Variants in LRRC4C observed in about 807,000 individuals in gnomAD.
LRRC4C encodes leucine rich repeat containing 4C, also known as leucine-rich repeat-containing protein 4C.
A neutral mutation model predicts 33.6 loss-of-function variants in LRRC4C; 5 were observed. That is an observed-to-expected ratio of 0.15 (90% CI 0.08 to 0.31). The LOEUF (loss-of-function observed/expected upper bound fraction) is 0.31, where lower values mean the gene tolerates loss of function less well. Ranked by LOEUF, LRRC4C falls within the 10% of genes least tolerant of loss-of-function variation. The pLI, the probability that LRRC4C is intolerant of heterozygous loss-of-function variation, is 1.00. For synonymous variants in LRRC4C, 329 were observed against 302.0 expected (o/e 1.09, Z -0.93); for missense variants, 560 against 796.7 (o/e 0.70, Z 3.58).
At chr11:40,531,178 G>A (rs1956255983) in intron 3 of LRRC4C, among the ~76,000 whole-genome samples, 2 of 152,006 alleles carry the variant, frequency 1.3e-5, no homozygotes, top group South Asian at 4.1e-4. Flanking sequence ...AAATTGAGAG[G>A]AAAGTATGGA....
At chr11:41,184,011 T>G (rs766356679) in intron 1 of LRRC4C, among the ~76,000 whole-genome samples, 37 of 152,188 alleles carry the variant, frequency 2.4e-4, no homozygotes, top group Non-Finnish European at 4.4e-4. Context: ...CTTTTAGCCA[T>G]GGCTGGAGCA....
At chr11:40,936,250 T>G (rs1163391536) in intron 1 of LRRC4C, among the ~76,000 whole-genome samples, 1 of 149,940 alleles carries the variant, frequency 6.7e-6, no homozygotes, top group Admixed American at 6.7e-5. Flanking sequence ...ATTAGATAAT[T>G]TATGTTCACC....
At chr11:41,351,435 C>T (rs988663957) in intron 1 of LRRC4C, among the ~76,000 whole-genome samples, 1 of 151,998 alleles carries the variant, frequency 6.6e-6, no homozygotes, top group Non-Finnish European at 1.5e-5. Context: ...ATATTGTATC[C>T]AAAAATTTCC....
At chr11:41,054,480 A>T (rs968670370) in intron 1 of LRRC4C, among the ~76,000 whole-genome samples, 7 of 152,192 alleles carry the variant, frequency 4.6e-5, no homozygotes, top group Admixed American at 3.3e-4. Flanking sequence ...AAAGTGCTGA[A>T]TATCTAGAGG....
At chr11:40,408,648 A>G (rs1402531335) in intron 3 of LRRC4C, among the ~76,000 whole-genome samples, 1 of 151,982 alleles carries the variant, frequency 6.6e-6, no homozygotes, top group Non-Finnish European at 1.5e-5. Context: ...TATATGCCCC[A>G]AAATGGCTTT....
At chr11:41,134,419 G>A (rs1222817072) in intron 1 of LRRC4C, among the ~76,000 whole-genome samples, 2 of 152,098 alleles carry the variant, frequency 1.3e-5, no homozygotes, top group African/African-American at 4.8e-5. Context: ...CACTATGCCT[G>A]GCAGAATAAA....
intron 1 of LRRC4C, among the ~76,000 whole-genome samples, chr11:40,991,561 A>C (rs543607425): frequency 6.6e-6 from 1 of 152,338 alleles, no homozygotes; most frequent in African/African-American, 2.4e-5. Context: ...ATTACATTGT[A>C]ATATATAATG....
intron 2 of LRRC4C, among the ~76,000 whole-genome samples, chr11:40,903,175 T>A (rs1163427083): frequency 1.4e-4 from 21 of 152,100 alleles, no homozygotes; most frequent in Non-Finnish European, 2.9e-5. Flanking sequence ...ATTCTAAAAA[T>A]CTCAGAACCA....
intron 1 of LRRC4C, among the ~76,000 whole-genome samples, chr11:41,208,669 G>C (rs773245100): frequency 6.6e-6 from 1 of 152,220 alleles, no homozygotes; most frequent in African/African-American, 2.4e-5. Flanking sequence ...AGGGCTACCT[G>C]ATTGGGAACA....
chr11:40,502,780 C>G (rs547946503), intron 3 of LRRC4C, among the ~76,000 whole-genome samples: 1 of 152,274 alleles, frequency 6.6e-6, no homozygotes, highest in Admixed American at 6.5e-5. Flanking sequence ...ACATCTTTCA[C>G]TCTTTGATCA....
intron 4 of LRRC4C, among the ~76,000 whole-genome samples, chr11:40,287,954 C>T (rs529513477): frequency 3.9e-5 from 6 of 152,188 alleles, no homozygotes; most frequent in Non-Finnish European, 7.3e-5. Context: ...CTTAGAGTAA[C>T]AGCTTCCCTC....
intron 4 of LRRC4C, among the ~76,000 whole-genome samples, chr11:40,256,067 C>T (rs1867180157): frequency 6.6e-6 from 1 of 152,190 alleles, no homozygotes; most frequent in Non-Finnish European, 1.5e-5. Context: ...AGATCTACAA[C>T]CTTTTTAGTT....
chr11:40,839,776 G>T (rs1952833635), intron 2 of LRRC4C, among the ~76,000 whole-genome samples: 1 of 152,140 alleles, frequency 6.6e-6, no homozygotes, highest in Non-Finnish European at 1.5e-5. Flanking sequence ...TTACCAAGTG[G>T]AATGAAGAAA....
At chr11:40,919,178 T>C (rs1189082813) in intron 2 of LRRC4C, among the ~76,000 whole-genome samples, 3 of 152,050 alleles carry the variant, frequency 2.0e-5, no homozygotes, top group Non-Finnish European at 4.4e-5. Context: ...TACCAGTCAG[T>C]TTCAGTCACA....
chr11:41,380,836 C>T (rs1197656625), intron 1 of LRRC4C, among the ~76,000 whole-genome samples: 6 of 152,154 alleles, frequency 3.9e-5, no homozygotes, highest in Non-Finnish European at 8.8e-5. Context: ...CTGTCTCTCT[C>T]TCTTTCTCTC....
intron 1 of LRRC4C, among the ~76,000 whole-genome samples, chr11:41,378,775 T>G (rs1953034170): frequency 6.6e-6 from 1 of 152,138 alleles, no homozygotes; most frequent in South Asian, 2.1e-4. Flanking sequence ...AGCAATTCCC[T>G]ATAACCCAAG....
chr11:41,163,454 T>C (rs904441920), intron 1 of LRRC4C, among the ~76,000 whole-genome samples: 3 of 151,424 alleles, frequency 2.0e-5, no homozygotes, highest in Admixed American at 6.6e-5. Flanking sequence ...CAACTAATTT[T>C]TGTATTTATA....
At chr11:41,302,845 A>C (rs10768681) in intron 1 of LRRC4C, among the ~76,000 whole-genome samples, 1 of 151,888 alleles carries the variant, frequency 6.6e-6, no homozygotes, top group Admixed American at 6.6e-5. Context: ...ATTGCCCACT[A>C]TACTCCCAAA....
intron 2 of LRRC4C, among the ~76,000 whole-genome samples, chr11:40,683,262 A>C (rs920089082): frequency 3.9e-5 from 6 of 152,158 alleles, no homozygotes; most frequent in African/African-American, 1.4e-4. Flanking sequence ...GCATCCCTTT[A>C]GCATTCTCCA....
Sources: allele counts gnomAD v4.1 joint callset (sites outside exome capture counted in the v4.1 genomes callset), GRCh38; gene constraint gnomAD v4.1.1; transcripts MANE v1.5; gene names NCBI Gene and HGNC (gene_info 2026-07-23, HGNC 2026-07-21).